The following GRIK1 variants were observed in gnomAD, a reference collection of about 807,000 sequenced individuals.
GRIK1 encodes the protein glutamate ionotropic receptor kainate type subunit 1.
A neutral mutation model predicts 105.7 loss-of-function variants in GRIK1; 69 were observed. The observed-to-expected ratio is 0.65, with a 90% CI of 0.54 to 0.80. GRIK1 has a LOEUF of 0.80. Ranked by LOEUF, GRIK1 falls within the 30% of genes least tolerant of loss-of-function variation. The pLI, the probability that GRIK1 is intolerant of heterozygous loss-of-function variation, is 0.00. For missense variants in GRIK1, 1,109 were observed against 1,167.3 expected (o/e 0.95, Z 0.73); for synonymous variants, 438 against 431.3 (o/e 1.02, Z -0.19).
chr21:29,624,338 T>G (rs1054804008), intron 7 of GRIK1, among the ~76,000 whole-genome samples: 1 of 152,216 alleles, frequency 6.6e-6, no homozygotes, highest in African/African-American at 2.4e-5. Flanking sequence ...TAATTAGATG[T>G]TAGTACCAGC....
intron 1 of GRIK1, among the ~76,000 whole-genome samples, chr21:29,922,281 AT>A (rs1459093143): frequency 1.3e-5 from 2 of 152,166 alleles, no homozygotes; most frequent in African/African-American, 4.8e-5. Flanking sequence ...GAATATCTGA[AT>A]TTTTAAGTAA....
chr21:29,824,579 T>C (rs1180746696), intron 1 of GRIK1, among the ~76,000 whole-genome samples: 2 of 151,898 alleles, frequency 1.3e-5, no homozygotes, highest in Non-Finnish European at 2.9e-5. Flanking sequence ...GGGAGCTCAG[T>C]AAACAAAAGG....
chr21:29,607,443 A>AT (rs370748376), intron 7 of GRIK1, among the ~76,000 whole-genome samples: 410 of 152,050 alleles, frequency 2.7e-3, no homozygotes, highest in South Asian at 0.017. Flanking sequence ...TATGAATAAA[A>AT]CCTTGTGAAA....
chr21:29,854,563 G>A lies in GRIK1; in HGVS notation c.118+84820C>T, dbSNP rs536429889. Among the ~76,000 whole-genome samples the A allele has an allele frequency of 1.8e-4, 28 of 152,242 alleles. No homozygotes were observed. In the South Asian group the frequency reaches 5.8e-3, roughly 32 times the overall value. ...GAATGGACTTGGGTGGGGGAATGAG[G>A]TAGACAAAATTCCCAGAGAATGGAG... On this transcript the variant is annotated intron_variant, in intron 1 of 17. Transcript: ENST00000327783.
At chr21:29,570,317 AT>A (rs1269046141) in intron 14 of GRIK1, among the ~76,000 whole-genome samples, 2 of 152,140 alleles carry the variant, frequency 1.3e-5, no homozygotes, top group Non-Finnish European at 2.9e-5. Flanking sequence ...CCTGTTCAAC[AT>A]GGTGAAACCC....
chr21:29,937,283 G>C (rs997770569), intron 1 of GRIK1, among the ~76,000 whole-genome samples: 1 of 152,114 alleles, frequency 6.6e-6, no homozygotes, highest in Non-Finnish European at 1.5e-5. Flanking sequence ...GGTGCATACG[G>C]GGCAACAGTG....
chr21:29,654,627 AAG>A (rs199519659), intron 5 of GRIK1, among the ~76,000 whole-genome samples, 181 bp downstream of exon 5: 3,064 of 116,428 alleles, frequency 0.026, 42 homozygotes, highest in African/African-American at 0.063. Flanking sequence ...GAAAGAAAGA[AAG>A]AGAAAGAAAG....
intron 1 of GRIK1, among the ~76,000 whole-genome samples, chr21:29,712,564 C>G (rs925713147): frequency 6.6e-6 from 1 of 152,064 alleles, no homozygotes; most frequent in Non-Finnish European, 1.5e-5. Flanking sequence ...AAATCAACTT[C>G]TGAGGAATAA....
chr21:29,560,357 TTTTCTTTCTTC>T (rs2090389841), intron 15 of GRIK1, among the ~76,000 whole-genome samples: 7 of 58,114 alleles, frequency 1.2e-4, no homozygotes, highest in Admixed American at 1.8e-4. Context: ...CTTTCTTTCT[TTTTCTTTCTTC>T]CTTCCTTCCT....
intron 1 of GRIK1, among the ~76,000 whole-genome samples, chr21:29,912,947 T>A (rs2070869974): frequency 6.6e-6 from 1 of 152,136 alleles, no homozygotes; most frequent in African/African-American, 2.4e-5. Flanking sequence ...GGCACAAGAA[T>A]CCAGAAATAA....
At chr21:29,796,746 C>A (rs144659988) in intron 1 of GRIK1, among the ~76,000 whole-genome samples, 2 of 152,156 alleles carry the variant, frequency 1.3e-5, no homozygotes, top group African/African-American at 2.4e-5. Flanking sequence ...GCCAAAAGTT[C>A]GAGACCAGCC....
chr21:29,693,937 T>C lies in GRIK1; in HGVS notation c.245A>G (p.Gln82Arg). ...MPNTTLTYDI[Q>R]RINLFDSFEA... ...AAAACTATCAAAAAGGTTAATTCTC[T>C]GGATGTCATAGGTTAATGTGGTGTT... is the stretch of plus-strand genomic sequence containing the variant. The change falls in exon 2 of 18, where the codon CAG becomes CGG. Residue 82 changes from glutamine (Q) to arginine (R), a missense_variant. Transcript: ENST00000327783. 1.2e-6 allele frequency: 2 copies of C among 1,613,552 alleles called. No homozygotes were observed. The highest frequency in any genetic ancestry group is 1.7e-5 in the Admixed American group (1 of 60,004).
Position 29,642,838 on chromosome 21 carries a change from G to T in GRIK1, c.1086C>A (p.Asn362Lys). The change falls in exon 7 of 18, where the codon AAC (asparagine) becomes AAA (lysine). Residue 362 changes from asparagine to lysine, a missense_variant. Physicochemically the swap from Asn to Lys is moderately conservative, Grantham distance 94 (BLOSUM62 0). Coordinates refer to ENST00000327783, the MANE Select transcript of GRIK1 (RefSeq NM_001330994.2). Reference protein sequence around the residue: ...KPWRLGPRFMNLIKEARWDGL... With the variant: ...KPWRLGPRFMKLIKEARWDGL... ...GAGCATCACTTGCCTCTTTGATCAG[G>T]TTCATAAATCTGGGTCCGAGGCGCC... The T allele has an allele frequency of 6.2e-7, 1 of 1,614,070 alleles. No individual in the cohort carries two copies. Among genetic ancestry groups the T allele is most frequent in the Non-Finnish European group, 8.5e-7 (1 of 1,179,918 alleles).
chr21:29,611,510 G>A (rs913646860), intron 7 of GRIK1, among the ~76,000 whole-genome samples: 21 of 152,056 alleles, frequency 1.4e-4, no homozygotes, highest in Non-Finnish European at 7.4e-5. Flanking sequence ...CATGAGAGTC[G>A]TGTTGATAAC....
At chr21:29,826,579 C>T (rs1229009214) in intron 1 of GRIK1, among the ~76,000 whole-genome samples, 1 of 152,110 alleles carries the variant, frequency 6.6e-6, no homozygotes, top group Non-Finnish European at 1.5e-5. Flanking sequence ...CTGTCTCTAA[C>T]TTGCCAGGCC....
chr21:29,562,970 C>A (rs936997154), intron 14 of GRIK1, among the ~76,000 whole-genome samples: 1 of 146,868 alleles, frequency 6.8e-6, no homozygotes, highest in African/African-American at 2.5e-5. Context: ...TATGATTAGA[C>A]ATTTTGCATT....
At chr21:29,758,828 C>T (rs1030232808) in intron 1 of GRIK1, 4 of 152,728 alleles carry the variant, frequency 2.6e-5, no homozygotes, top group African/African-American at 9.6e-5. Context: ...ACATTCTCTT[C>T]AGGTTCTTCA....
At chr21:29,848,252 G>C (rs1172751888) in intron 1 of GRIK1, among the ~76,000 whole-genome samples, 1 of 152,074 alleles carries the variant, frequency 6.6e-6, no homozygotes, top group African/African-American at 2.4e-5. Flanking sequence ...AATGTACAAT[G>C]CATGCTTCTG....
chr21:29,682,503 G>C (rs889131439), intron 3 of GRIK1, among the ~76,000 whole-genome samples: 1 of 151,974 alleles, frequency 6.6e-6, no homozygotes, highest in African/African-American at 2.4e-5. Context: ...TTAGCTTAAT[G>C]GTGTCTATAA....
Sources: gnomAD v4.1 joint callset for allele counts (sites outside exome capture counted in the v4.1 genomes callset) on GRCh38, gnomAD v4.1.1 for gene constraint, MANE v1.5 for transcripts, NCBI Gene and HGNC (gene_info 2026-07-23, HGNC 2026-07-21) for gene names.